The following PRKCQ variants were observed in gnomAD, a reference collection of about 807,000 sequenced individuals.
The protein encoded by PRKCQ is protein kinase C theta.
Under a neutral mutation model 91.2 loss-of-function variants are expected in PRKCQ, and 41 were observed. That is an observed-to-expected ratio of 0.45 (90% CI 0.35 to 0.58). The LOEUF (loss-of-function observed/expected upper bound fraction) is 0.58. Ranked by LOEUF, PRKCQ falls within the 20% of genes least tolerant of loss-of-function variation. The pLI is 0.00. For synonymous variants in PRKCQ, 307 were observed against 316.9 expected (o/e 0.97, Z 0.33); for missense variants, 673 against 896.5 (o/e 0.75, Z 3.18).
chr10:6,481,430 G>T (rs1836592355), intron 11 of PRKCQ, among the ~76,000 whole-genome samples: 1 of 152,284 alleles, frequency 6.6e-6, no homozygotes, highest in Admixed American at 6.5e-5. Context: ...GGTTATAATT[G>T]CACATTAATT....
At chr10:6,544,414 A>G (rs1353999751) in intron 1 of PRKCQ, among the ~76,000 whole-genome samples, 1 of 152,196 alleles carries the variant, frequency 6.6e-6, no homozygotes, top group East Asian at 1.9e-4. Flanking sequence ...ACCACAGAAT[A>G]TATTGTTAAC....
At chr10:6,502,491 G>A (rs1239350864) in intron 4 of PRKCQ, among the ~76,000 whole-genome samples, 1 of 152,192 alleles carries the variant, frequency 6.6e-6, no homozygotes, top group Non-Finnish European at 1.5e-5. Flanking sequence ...AAGCAGAAAC[G>A]ATCAGCAGTC....
Position 6,497,338 on chromosome 10 carries a change from C to T in PRKCQ, c.543-87G>A, listed in dbSNP as rs992705552. On this transcript the variant is annotated intron_variant, in intron 5 of 17. Coordinates refer to ENST00000263125, the MANE Select transcript of PRKCQ (RefSeq NM_006257.5). This position sits in a 1 kb window ranked among gnomAD's most constrained non-coding sequence, Gnocchi z 4.5. ...TTAAGAGATGGATGAGATCTCATAA[C>T]CCCCTAAGATCACAGAGCAGTTTCT... 4.8e-6 allele frequency: 7 copies of T among 1,460,406 alleles called. No individual in the cohort carries two copies. The highest frequency in any genetic ancestry group is 5.8e-6 in the Non-Finnish European group (6 of 1,042,118). The allele number at this position is 1,460,406 out of a possible 1,614,324, so 90.5% of individuals were successfully genotyped here.
At chr10:6,407,946 C>A in the PRKCQ span, among the ~76,000 whole-genome samples, 1 of 151,136 alleles carries the variant, frequency 6.6e-6, no homozygotes, top group Non-Finnish European at 1.5e-5. This position sits in a 1 kb window ranked among gnomAD's most constrained non-coding sequence, Gnocchi z 4.0. Flanking sequence ...CTTTTTAAAA[C>A]CTAGCCACAA....
intron 1 of PRKCQ, among the ~76,000 whole-genome samples, chr10:6,567,176 C>T (rs1156522157): frequency 6.6e-6 from 1 of 152,200 alleles, no homozygotes; most frequent in Non-Finnish European, 1.5e-5. Context: ...CCCAGAGACA[C>T]AGGAAGCAGA....
Position 6,456,822 on chromosome 10 carries a change from A to C in PRKCQ, c.1509-10T>G, listed in dbSNP as rs1835033460. 6.2e-7 allele frequency: 1 copy of C among 1,613,446 alleles called. No individual in the cohort carries two copies. The highest frequency in any genetic ancestry group is 8.5e-7 in the Non-Finnish European group (1 of 1,179,754). On this transcript the variant is annotated splice_polypyrimidine_tract_variant and intron_variant, in intron 14 of 17. Transcript: ENST00000263125. ...ATCTAGCTTCAGGTCCCTGAAAAAC[A>C]AAAGTGAAGCAAATCTCACATTAAT... is the stretch of plus-strand genomic sequence containing the variant.
intron 8 of PRKCQ, among the ~76,000 whole-genome samples, chr10:6,490,591 A>AC (rs1421222071): frequency 6.6e-6 from 1 of 151,360 alleles, no homozygotes; most frequent in Non-Finnish European, 1.5e-5. Flanking sequence ...AAAAACAAAA[A>AC]AAACAAAAAC....
chr10:6,429,641 A>G (rs2132222583), intron 17 of PRKCQ, among the ~76,000 whole-genome samples: 1 of 152,274 alleles, frequency 6.6e-6, no homozygotes, highest in East Asian at 1.9e-4. Flanking sequence ...CAAACCCACA[A>G]CTTTGCTCTA....
At chr10:6,431,289 G>A (rs1253877155) in intron 16 of PRKCQ, among the ~76,000 whole-genome samples, 1 of 152,154 alleles carries the variant, frequency 6.6e-6, no homozygotes, top group Non-Finnish European at 1.5e-5. Context: ...CGATTTATAA[G>A]ACAGCAATAC....
At chr10:6,505,349 A>T (rs1419024505) in intron 4 of PRKCQ, among the ~76,000 whole-genome samples, 1 of 152,130 alleles carries the variant, frequency 6.6e-6, no homozygotes, top group Non-Finnish European at 1.5e-5. Context: ...CAAAGCAGGG[A>T]TCTTAAAATC....
At chr10:6,512,320 T>C (rs1191946064) in intron 2 of PRKCQ, 2 of 152,162 alleles carry the variant, frequency 1.3e-5, no homozygotes, top group Non-Finnish European at 2.9e-5. Context: ...TCTTTACCCA[T>C]GGAGCCAGCA....
At chr10:6,434,092 T>C (rs1351538641) in intron 16 of PRKCQ, among the ~76,000 whole-genome samples, 1 of 151,028 alleles carries the variant, frequency 6.6e-6, no homozygotes, top group Non-Finnish European at 1.5e-5. Flanking sequence ...TCCCTTCTCC[T>C]GAAACAATGA....
At chr10:6,401,690 C>T in the PRKCQ span, among the ~76,000 whole-genome samples, 2 of 152,176 alleles carry the variant, frequency 1.3e-5, no homozygotes, top group African/African-American at 4.8e-5. Context: ...CACGGGCTTT[C>T]CTGCTGAGTC....
chr10:6,562,035 T>C (rs1401810101), intron 1 of PRKCQ, among the ~76,000 whole-genome samples: 5 of 152,128 alleles, frequency 3.3e-5, no homozygotes, highest in South Asian at 4.2e-4. Context: ...TTTACAACAT[T>C]GTCAGTTCAA....
chr10:6,464,414 A>C lies in PRKCQ; in HGVS notation c.1354-10T>G, dbSNP rs1022215799. The stretch of plus-strand genomic sequence containing the variant: ...CAAAAAAGAGGTTTTCCTGTGGAAA[A>C]ACAAAACAATTCCAACTTTTATTTC... On this transcript the variant is annotated splice_polypyrimidine_tract_variant and intron_variant, in intron 12 of 17. Coordinates refer to ENST00000263125, the MANE Select transcript of PRKCQ (RefSeq NM_006257.5). 1 of 1,580,584 alleles carries C rather than the reference A, an allele frequency of 6.3e-7. No individual in the cohort carries two copies. The highest frequency in any genetic ancestry group is 8.6e-7 in the Non-Finnish European group (1 of 1,160,382).
At chr10:6,396,782 C>T in the PRKCQ span, among the ~76,000 whole-genome samples, 1 of 152,212 alleles carries the variant, frequency 6.6e-6, no homozygotes, top group African/African-American at 2.4e-5. Flanking sequence ...CATATGTTTT[C>T]ACTTCTCTTG....
Position 6,576,184 on chromosome 10 carries a change from G to A in PRKCQ, c.-10+4027C>T, listed in dbSNP as rs190614287. ...AAAATTAAACATAGAATTACCCTAC[G>A]ACCCCACAATTCTACTGCTGGGTAC... On this transcript the variant is annotated intron_variant, in intron 1 of 17. Coordinates refer to ENST00000263125, the MANE Select transcript of PRKCQ (RefSeq NM_006257.5). This position sits in a 1 kb window ranked among gnomAD's most constrained non-coding sequence, Gnocchi z 4.2. Among the ~76,000 whole-genome samples the A allele has an allele frequency of 1.8e-4, 28 of 152,204 alleles. No individual in the cohort carries two copies. The highest frequency in any genetic ancestry group is 5.1e-4 in the African/African-American group (21 of 41,518).
At chr10:6,444,262 G>T (rs903966342) in intron 15 of PRKCQ, among the ~76,000 whole-genome samples, 1 of 151,980 alleles carries the variant, frequency 6.6e-6, no homozygotes, top group Non-Finnish European at 1.5e-5. Flanking sequence ...GTAGAGACAG[G>T]GTTTCACATG....
At chr10:6,565,191 T>C (rs977475796) in intron 1 of PRKCQ, among the ~76,000 whole-genome samples, 1 of 152,258 alleles carries the variant, frequency 6.6e-6, no homozygotes, top group Non-Finnish European at 1.5e-5. Flanking sequence ...TGTCTTGAGA[T>C]AGCACAGTAC....
Sources: gnomAD v4.1 joint callset for allele counts (sites outside exome capture counted in the v4.1 genomes callset) on GRCh38, gnomAD v4.1.1 for gene constraint, Gnocchi (gnomAD v3.1) non-coding constraint, MANE v1.5 for transcripts, NCBI Gene and HGNC (gene_info 2026-07-23, HGNC 2026-07-21) for gene names.